UBE2R2: variants seen among roughly 807,000 people sequenced by gnomAD.
UBE2R2 encodes ubiquitin-conjugating enzyme E2 R2.
A neutral mutation model predicts 27.8 loss-of-function variants in UBE2R2; 1 was observed. The ratio of observed to expected loss-of-function variants is 0.04; its 90% CI spans 0.01 to 0.17. UBE2R2 has a LOEUF of 0.17. UBE2R2 is among the 10% of genes least tolerant of loss of function. UBE2R2 has a pLI of 1.00. For missense variants in UBE2R2, 100 were observed against 291.0 expected (o/e 0.34, Z 4.78); for synonymous variants, 106 against 113.3 (o/e 0.94, Z 0.41).
chr9:33,869,423 T>TTTTATTTATTTATTTA lies in UBE2R2; in HGVS notation c.178-17434_178-17419dup, dbSNP rs78245446. Among the ~76,000 whole-genome samples, 625 of 146,630 alleles carry TTTTATTTATTTATTTA rather than the reference T, an allele frequency of 4.3e-3. 2 individuals are homozygous for TTTTATTTATTTATTTA. The highest frequency in any genetic ancestry group is 7.0e-3 in the Middle Eastern group (2 of 286). Reference sequence around the variant, plus strand: ...GTTTTACATAGTTACATATACAATGTTTTATTTATTTATTTATTTATTTAT... The same window carrying TTTTATTTATTTATTTA: ...GTTTTACATAGTTACATATACAATGTTTTATTTATTTATTTATTTATTTATTTATTTATTTATTTAT... On this transcript the variant is annotated intron_variant, in intron 1 of 4. Coordinates refer to ENST00000263228, the MANE Select transcript of UBE2R2 (RefSeq NM_017811.4).
At chr9:33,834,929 A>G (rs1820583734) in intron 1 of UBE2R2, among the ~76,000 whole-genome samples, 1 of 147,856 alleles carries the variant, frequency 6.8e-6, no homozygotes, top group South Asian at 2.1e-4. Flanking sequence ...AAAAAACAAA[A>G]GAAAAGAAAA....
In UBE2R2 at chr9:33,830,458, C is replaced by T. The variant is rs1051090166; in HGVS notation, c.177+12524C>T. 2.0e-5 allele frequency among the ~76,000 whole-genome samples: 3 copies of T among 148,480 alleles called. No individual in the cohort carries two copies. In the South Asian group the frequency reaches 6.6e-4, roughly 33 times the overall value. ...AGGCATGAGCCACTGCGCCCGGCCTCATAATTCTTTAGATATCTGCTTTGC... is the reference window on the plus strand; with the variant it reads ...AGGCATGAGCCACTGCGCCCGGCCTTATAATTCTTTAGATATCTGCTTTGC... On this transcript the variant is annotated intron_variant, in intron 1 of 4. Coordinates refer to ENST00000263228, the MANE Select transcript of UBE2R2 (RefSeq NM_017811.4).
chr9:33,903,991 G>T (rs1822299534), intron 3 of UBE2R2, among the ~76,000 whole-genome samples: 1 of 152,060 alleles, frequency 6.6e-6, no homozygotes, highest in South Asian at 2.1e-4. Context: ...TCAACATTTT[G>T]ATCTTATTGG....
At chr9:33,854,756 T>C (rs1246091104) in intron 1 of UBE2R2, among the ~76,000 whole-genome samples, 2 of 151,432 alleles carry the variant, frequency 1.3e-5, no homozygotes, top group African/African-American at 4.9e-5. Flanking sequence ...TCTCACTCTG[T>C]CACCCAGACT....
At chr9:33,843,413 G>C (rs948043918) in intron 1 of UBE2R2, among the ~76,000 whole-genome samples, 6 of 151,108 alleles carry the variant, frequency 4.0e-5, no homozygotes, top group African/African-American at 1.5e-4. Context: ...GCAGCAAGTA[G>C]AAAAAAAGGA....
At chr9:33,869,520 C>T (rs1821437269) in intron 1 of UBE2R2, among the ~76,000 whole-genome samples, 1 of 151,600 alleles carries the variant, frequency 6.6e-6, no homozygotes, top group Admixed American at 6.6e-5. Flanking sequence ...AGTCTCAGCT[C>T]ACTGCAATCT....
At chr9:33,868,692 A>C (rs572212525) in intron 1 of UBE2R2, 4 of 152,216 alleles carry the variant, frequency 2.6e-5, no homozygotes, top group Admixed American at 6.5e-5. Flanking sequence ...CCCTCCCCCC[A>C]AAAAATATGT....
At chr9:33,834,461 C>T (rs563614806) in intron 1 of UBE2R2, among the ~76,000 whole-genome samples, 11 of 152,110 alleles carry the variant, frequency 7.2e-5, no homozygotes, top group Admixed American at 6.5e-4. Context: ...ATCTGCCCAC[C>T]TTGGCCTCCC....
chr9:33,911,280 C>T (rs1438691276), intron 3 of UBE2R2, among the ~76,000 whole-genome samples: 2 of 147,696 alleles, frequency 1.4e-5, no homozygotes, highest in African/African-American at 2.5e-5. Flanking sequence ...TGGTGGCAGG[C>T]GCCTGTAATC....
At position 33,911,970 on chromosome 9, in the gene UBE2R2, C is replaced by T. The variant is rs1370966884; in HGVS notation, c.369C>T (p.Ile123=). The change falls in exon 4 of 5, where the codon ATC becomes ATT. Residue 123 remains isoleucine, a synonymous_variant. Coordinates refer to ENST00000263228, the MANE Select transcript of UBE2R2 (RefSeq NM_017811.4). ...RWNPTQNVRT[I]LLSVISLLNE... ...CCTTTTTTCCTGTTTCTAGGACTAT[C>T]CTATTAAGTGTAATCTCACTGCTTA... The T allele has an allele frequency of 1.2e-6, 2 of 1,613,008 alleles. No individual in the cohort carries two copies. The highest frequency in any genetic ancestry group is 1.7e-6 in the Non-Finnish European group (2 of 1,179,630).
At chr9:33,906,068 T>G (rs1299053423) in intron 3 of UBE2R2, among the ~76,000 whole-genome samples, 1 of 152,108 alleles carries the variant, frequency 6.6e-6, no homozygotes, top group Non-Finnish European at 1.5e-5. Flanking sequence ...TGGCGTGAAG[T>G]AAGTTCAGGT....
chr9:33,880,033 G>C (rs1821698435), intron 1 of UBE2R2, among the ~76,000 whole-genome samples: 1 of 151,522 alleles, frequency 6.6e-6, no homozygotes, highest in Non-Finnish European at 1.5e-5. Flanking sequence ...CCTCAGGGGT[G>C]CACCATCATG....
rs146982919 is a variant in UBE2R2, at chr9:33,867,792, G to A, written c.178-19089G>A. On this transcript the variant is annotated intron_variant, in intron 1 of 4. Coordinates refer to ENST00000263228, the MANE Select transcript of UBE2R2 (RefSeq NM_017811.4). ...AAATTAGCTGGGCATGGTGGTATGCGCCTGTACTCCCAGCTACTTGGGAGG... is the reference window on the plus strand; with the variant it reads ...AAATTAGCTGGGCATGGTGGTATGCACCTGTACTCCCAGCTACTTGGGAGG... 2.4e-3 allele frequency among the ~76,000 whole-genome samples: 369 copies of A among 152,236 alleles called. 2 individuals carry two copies. Among genetic ancestry groups the A allele is most frequent in the East Asian group, 8.5e-3 (44 of 5,186 alleles).
intron 1 of UBE2R2, 75 bp from the exon 2 acceptor site, chr9:33,886,806 G>T: frequency 8.1e-7 from 1 of 1,239,198 alleles, no homozygotes; most frequent in Non-Finnish European, 1.1e-6. Context: ...TCTGTGGCGT[G>T]TAGTAGGGTG....
At chr9:33,824,673 C>T (rs574740063) in intron 1 of UBE2R2, among the ~76,000 whole-genome samples, 35 of 147,094 alleles carry the variant, frequency 2.4e-4, no homozygotes, top group African/African-American at 7.8e-4. Flanking sequence ...TGTGATGGTC[C>T]GCACCTGCAG....
intron 1 of UBE2R2, among the ~76,000 whole-genome samples, chr9:33,886,464 G>A (rs1166090355): frequency 6.6e-6 from 1 of 152,008 alleles, no homozygotes; most frequent in Non-Finnish European, 1.5e-5. Context: ...AGACCATCCT[G>A]GCCAACATGG....
intron 1 of UBE2R2, among the ~76,000 whole-genome samples, chr9:33,841,425 G>T (rs184268097): frequency 2.5e-4 from 38 of 152,228 alleles, no homozygotes; most frequent in African/African-American, 8.7e-4. Flanking sequence ...ACTCCTGAAT[G>T]ACTTGGTCTA....
chr9:33,826,239 T>C (rs751301858), intron 1 of UBE2R2, among the ~76,000 whole-genome samples: 2 of 152,184 alleles, frequency 1.3e-5, no homozygotes, highest in Non-Finnish European at 2.9e-5. Context: ...GAAATTGTTA[T>C]TCAGAGATTA....
intron 1 of UBE2R2, among the ~76,000 whole-genome samples, chr9:33,851,781 T>C (rs536528925): frequency 6.6e-6 from 1 of 152,312 alleles, no homozygotes; most frequent in East Asian, 1.9e-4. Flanking sequence ...TATTCATTTA[T>C]TTATATCTCA....
Sources: allele counts gnomAD v4.1 joint callset (sites outside exome capture counted in the v4.1 genomes callset), GRCh38; gene constraint gnomAD v4.1.1; transcripts MANE v1.5; gene names NCBI Gene and HGNC (gene_info 2026-07-23, HGNC 2026-07-21).